Variants in AK3 observed in about 807,000 individuals in gnomAD.
AK3 encodes adenylate kinase 3, also known as GTP:AMP phosphotransferase AK3, mitochondrial.
Under a neutral mutation model 23.7 loss-of-function variants are expected in AK3, and 27 were observed. That is an observed-to-expected ratio of 1.14 (90% CI 0.84 to 1.57). AK3 has a LOEUF of 1.57. AK3 is among the 40% of genes most tolerant of loss of function. AK3 has a pLI of 0.00. For missense variants in AK3, 406 were observed against 285.6 expected (o/e 1.42, Z -3.04); for synonymous variants, 159 against 116.0 (o/e 1.37, Z -2.38).
chr9:4,741,413 G>GC (rs954703483), upstream of AK3: 2 of 249,734 alleles, frequency 8.0e-6, no homozygotes, highest in African/African-American at 4.6e-5. Context: ...CCTCTCCGCG[G>GC]CCCCTCTCCA....
chr9:4,736,287 TTGTTA>T (rs1229469799), intron 1 of AK3, among the ~76,000 whole-genome samples: 56 of 152,176 alleles, frequency 3.7e-4, no homozygotes, highest in Non-Finnish European at 1.2e-4. Flanking sequence ...CAAAGCAGTA[TTGTTA>T]AAGGTATAAA....
At chr9:4,741,448 C>A, upstream of AK3, 1 of 209,048 alleles carries the variant, frequency 4.8e-6, no homozygotes, top group Middle Eastern at 1.7e-3. Flanking sequence ...CGGATCCCTT[C>A]GGCGCCCCTC....
intron 2 of AK3, among the ~76,000 whole-genome samples, chr9:4,721,717 C>T (rs1216124242): frequency 6.6e-6 from 1 of 152,214 alleles, no homozygotes. Flanking sequence ...CCTTGGCCTC[C>T]CAAAGTGCTG....
In AK3 at chr9:4,712,789, A is replaced by T; in HGVS notation, c.*187T>A. The T allele has an allele frequency of 1.7e-6, 1 of 596,266 alleles. No individual in the cohort carries two copies. The highest frequency in any genetic ancestry group is 3.3e-5 in the Admixed American group (1 of 30,054). The allele number at this position is 596,266 out of a possible 1,614,324, so 36.9% of individuals were successfully genotyped here. On this transcript the variant is annotated 3_prime_UTR_variant, in exon 5 of 5. Transcript: ENST00000381809. Reference sequence around the variant, plus strand: ...TGCATACAACACACTAGATGATTTCAAACGATGCATCTTAGTATCCGAATC... The same window carrying T: ...TGCATACAACACACTAGATGATTTCTAACGATGCATCTTAGTATCCGAATC...
At chr9:4,728,663 C>T (rs1842073030) in intron 1 of AK3, among the ~76,000 whole-genome samples, 1 of 151,638 alleles carries the variant, frequency 6.6e-6, no homozygotes, top group Admixed American at 6.6e-5. Flanking sequence ...ATGGTGTAGC[C>T]AATTTGTAAA....
At chr9:4,724,348 G>C (rs1490631622) in intron 1 of AK3, among the ~76,000 whole-genome samples, 1 of 152,014 alleles carries the variant, frequency 6.6e-6, no homozygotes, top group Non-Finnish European at 1.5e-5. Flanking sequence ...CACTCTTCAG[G>C]CCAAGCCCTC....
chr9:4,724,354 C>A (rs1250249576), intron 1 of AK3, among the ~76,000 whole-genome samples: 3 of 152,094 alleles, frequency 2.0e-5, no homozygotes, highest in Non-Finnish European at 4.4e-5. Context: ...TCAGGCCAAG[C>A]CCTCTTCTAA....
intron 1 of AK3, among the ~76,000 whole-genome samples, chr9:4,731,234 T>A (rs1342552360): frequency 1.3e-5 from 2 of 152,140 alleles, no homozygotes; most frequent in Non-Finnish European, 2.9e-5. Flanking sequence ...TAAGCTAGTA[T>A]GCATTAGTTA....
intron 4 of AK3, 92 bp downstream of exon 4, chr9:4,718,327 G>A: frequency 1.1e-6 from 1 of 914,442 alleles, no homozygotes; most frequent in South Asian, 1.4e-5. Flanking sequence ...GGGTCTTTTG[G>A]CATTTTAGCA....
At chr9:4,735,366 T>C (rs184539687) in intron 1 of AK3, among the ~76,000 whole-genome samples, 60 of 94,924 alleles carry the variant, frequency 6.3e-4, no homozygotes, top group African/African-American at 1.0e-3. Flanking sequence ...TATATATACA[T>C]ATATAAATAT....
chr9:4,731,080 A>G (rs2130903259), intron 1 of AK3, among the ~76,000 whole-genome samples: 1 of 152,296 alleles, frequency 6.6e-6, no homozygotes, highest in Admixed American at 6.5e-5. Context: ...ATTCTTTCTC[A>G]AATGTAAAGT....
chr9:4,720,550 C>T (rs1017949983), intron 2 of AK3, among the ~76,000 whole-genome samples: 3 of 151,722 alleles, frequency 2.0e-5, no homozygotes, highest in African/African-American at 4.8e-5. Context: ...ATTAGCAGGG[C>T]GTGGTGGTGC....
chr9:4,738,160 T>G (rs567582246), intron 1 of AK3, among the ~76,000 whole-genome samples: 1 of 152,218 alleles, frequency 6.6e-6, no homozygotes, highest in Non-Finnish European at 1.5e-5. Context: ...ACAACTTTGA[T>G]AAAATTAAAC....
At chr9:4,723,655 A>G (rs1203409775) in intron 1 of AK3, among the ~76,000 whole-genome samples, 3 of 152,200 alleles carry the variant, frequency 2.0e-5, no homozygotes, top group Non-Finnish European at 4.4e-5. Flanking sequence ...ACTTAGCATT[A>G]TTTAATAAAT....
intron 1 of AK3, among the ~76,000 whole-genome samples, chr9:4,731,155 C>A (rs1483074644): frequency 6.6e-6 from 1 of 152,092 alleles, no homozygotes; most frequent in Non-Finnish European, 1.5e-5. Flanking sequence ...GATATATGTG[C>A]AGGTTTGTTA....
At chr9:4,726,442 A>C (rs1330402998) in intron 1 of AK3, among the ~76,000 whole-genome samples, 1 of 152,204 alleles carries the variant, frequency 6.6e-6, no homozygotes, top group African/African-American at 2.4e-5. Flanking sequence ...TTGCCAGTTG[A>C]ATAATGCTCA....
intron 3 of AK3, 30 bp from the exon 4 acceptor site, chr9:4,718,567 G>C: frequency 6.9e-7 from 1 of 1,439,266 alleles, no homozygotes; most frequent in Non-Finnish European, 9.7e-7. Context: ...ACTAGTATCA[G>C]ATATCATATT....
intron 1 of AK3, among the ~76,000 whole-genome samples, chr9:4,729,361 A>T (rs938802035): frequency 6.6e-6 from 1 of 152,042 alleles, no homozygotes; most frequent in Admixed American, 6.6e-5. Flanking sequence ...TTCTAGTTCC[A>T]GCTATTCAGG....
chr9:4,741,202 T>G lies in AK3; in HGVS notation c.-115A>C, dbSNP rs982806950. ...AGCAGCGCCACTAGCAGGCGGCTAC[T>G]GCGGTTCCCCGGCGTTCCCGGAAGT... On this transcript the variant is annotated 5_prime_UTR_variant, in exon 1 of 5. Transcript: ENST00000381809. The G allele has an allele frequency of 9.2e-6, 11 of 1,191,618 alleles. No individual in the cohort carries two copies. Among genetic ancestry groups the G allele is most frequent in the Non-Finnish European group, 1.2e-5 (11 of 922,774 alleles). The allele number at this position is 1,191,618 out of a possible 1,614,324, so 73.8% of individuals were successfully genotyped here. A position where few individuals can be genotyped will look rare whatever the true frequency, so the allele number is the denominator to read the frequency against.
Sources: allele counts gnomAD v4.1 joint callset (sites outside exome capture counted in the v4.1 genomes callset), GRCh38; gene constraint gnomAD v4.1.1; transcripts MANE v1.5; gene names NCBI Gene and HGNC (gene_info 2026-07-23, HGNC 2026-07-21).